Variants in MGST2 observed in about 807,000 individuals in gnomAD.
MGST2 encodes glutathione peroxidase MGST2.
In MGST2, 9 loss-of-function variants were observed where a neutral mutation model predicts 16.6. That is an observed-to-expected ratio of 0.54 (90% CI 0.33 to 0.95). The LOEUF is 0.95. MGST2 is among the 40% of genes least tolerant of loss of function. MGST2 has a pLI of 0.03. For missense variants in MGST2, 159 were observed against 175.1 expected, an observed-to-expected ratio of 0.91 and a Z score of 0.52; for synonymous variants, 79 against 68.0, an observed-to-expected ratio of 1.16 and a Z score of -0.79.
intron 1 of MGST2, among the ~76,000 whole-genome samples, chr4:139,669,710 C>T (rs559004553): frequency 1.1e-4 from 16 of 152,314 alleles, no homozygotes; most frequent in African/African-American, 3.8e-4. Flanking sequence ...GTTCACTGAA[C>T]GTCAACTGAC....
At chr4:139,713,453 G>A (rs1192950419) in intron 5 of MGST2, among the ~76,000 whole-genome samples, 1 of 105,192 alleles carries the variant, frequency 9.5e-6, no homozygotes, top group Admixed American at 1.5e-4. Context: ...CCTCTCGTGT[G>A]TTCATTAAGA....
At chr4:139,709,071 A>AGT (rs755140695), downstream of MGST2, among the ~76,000 whole-genome samples, 1 of 81,970 alleles carries the variant, frequency 1.2e-5, no homozygotes, top group East Asian at 4.9e-4. Flanking sequence ...AATGGAAAAA[A>AGT]TTTTTTTTTT....
chr4:139,731,514 A>T (rs1728719666), intron 5 of MGST2: 1 of 153,480 alleles, frequency 6.5e-6, no homozygotes, highest in Admixed American at 6.7e-5. Flanking sequence ...GCTACTCGGG[A>T]AGCTAAGGCA....
chr4:139,677,023 C>A (rs922970361), intron 1 of MGST2, among the ~76,000 whole-genome samples: 2 of 152,166 alleles, frequency 1.3e-5, no homozygotes, highest in African/African-American at 4.8e-5. Flanking sequence ...TGTGAGATTT[C>A]GTCTGTATAA....
At chr4:139,686,415 G>A (rs1010431718) in intron 2 of MGST2, among the ~76,000 whole-genome samples, 2 of 152,150 alleles carry the variant, frequency 1.3e-5, no homozygotes, top group African/African-American at 4.8e-5. Flanking sequence ...GTATAAGGGG[G>A]TATGTCTGAC....
chr4:139,741,866 A>C (rs1729176608), downstream of MGST2, among the ~76,000 whole-genome samples: 1 of 152,228 alleles, frequency 6.6e-6, no homozygotes, highest in Non-Finnish European at 1.5e-5. Context: ...GTATTTTTTA[A>C]AATAAAAACA....
In MGST2 at chr4:139,665,976, C is replaced by A. The variant is rs757910329; in HGVS notation, c.-44C>A. On this transcript the variant is annotated 5_prime_UTR_variant, in exon 1 of 5. Transcript: ENST00000265498. ...GGTCAGCATTCAAAGTCAAGAAGCG[C>A]CATTTATCTTCCCGTGCGCTCTACA... is the stretch of plus-strand genomic sequence containing the variant. 5 of 1,604,764 alleles carry A rather than the reference C, an allele frequency of 3.1e-6. No homozygotes were observed. The South Asian group carries it at 5.5e-5, about 18-fold the overall frequency.
the MGST2 span, among the ~76,000 whole-genome samples, chr4:139,748,529 G>A: frequency 1.1e-4 from 17 of 152,198 alleles, no homozygotes; most frequent in Non-Finnish European, 2.2e-4. Context: ...TAAAACTGAA[G>A]GAGCAGGAGG....
chr4:139,721,005 A>G (rs1054280648), intron 5 of MGST2, among the ~76,000 whole-genome samples: 1 of 152,264 alleles, frequency 6.6e-6, no homozygotes, highest in African/African-American at 2.4e-5. Flanking sequence ...AACATGCTCC[A>G]GATTCTCTGA....
chr4:139,699,420 G>A (rs191067311), intron 3 of MGST2, among the ~76,000 whole-genome samples: 8 of 152,140 alleles, frequency 5.3e-5, no homozygotes, highest in Admixed American at 2.6e-4. Flanking sequence ...AAAAATTTGC[G>A]TATATTTTAT....
chr4:139,716,616 C>A (rs1727975181), intron 5 of MGST2: 1 of 152,454 alleles, frequency 6.6e-6, no homozygotes, highest in Non-Finnish European at 1.5e-5. Flanking sequence ...ATTGATCTCT[C>A]CCATTAAATA....
At chr4:139,739,679 G>C (rs1579379883) in intron 5 of MGST2, among the ~76,000 whole-genome samples, 3 of 132,350 alleles carry the variant, frequency 2.3e-5, no homozygotes, top group South Asian at 2.3e-4. Context: ...GAGGAAAGCA[G>C]TTTTTTTTTT....
chr4:139,754,197 A>AG, the MGST2 span, among the ~76,000 whole-genome samples: 1 of 152,274 alleles, frequency 6.6e-6, no homozygotes, highest in African/African-American at 2.4e-5. Context: ...AAGGTGTATT[A>AG]GGGAGGTCAA....
rs369000853 is a variant in MGST2 at position 139,735,315 on chromosome 4, C to T, written c.*49-4897C>T. 7.9e-5 allele frequency among the ~76,000 whole-genome samples: 12 copies of T among 152,162 alleles called. No homozygotes were observed. The highest frequency in any genetic ancestry group is 6.2e-4 in the South Asian group (3 of 4,820). ...TGCCGTGTATCTCTGGGGTTATCTG[C>T]CCCCCTCCTCCGACTGACACTGAAC... On this transcript the variant is annotated intron_variant, in intron 5 of 5. Coordinates refer to the MGST2 transcript ENST00000616265. This position sits in a 1 kb window ranked among gnomAD's most constrained non-coding sequence, Gnocchi z 5.8.
chr4:139,673,113 A>G (rs1397412478), intron 1 of MGST2, among the ~76,000 whole-genome samples: 1 of 152,216 alleles, frequency 6.6e-6, no homozygotes, highest in Non-Finnish European at 1.5e-5. Context: ...TTTTTAAAAT[A>G]TTAGCAGGTA....
chr4:139,697,451 C>G (rs8192108), intron 3 of MGST2, among the ~76,000 whole-genome samples: 3,978 of 152,252 alleles, frequency 0.026, 126 homozygotes, highest in African/African-American at 0.073. Flanking sequence ...CTCCTGTTAT[C>G]TTGATATTTT....
intron 5 of MGST2, chr4:139,719,376 C>T (rs369376772): frequency 1.2e-5 from 20 of 1,611,946 alleles, no homozygotes; most frequent in African/African-American, 1.1e-4. Flanking sequence ...TCCCCTGGCC[C>T]GCCTTTGATG....
chr4:139,684,585 G>C (rs2110842328), intron 2 of MGST2, among the ~76,000 whole-genome samples: 1 of 152,330 alleles, frequency 6.6e-6, no homozygotes, highest in East Asian at 1.9e-4. Flanking sequence ...CTTATGATTG[G>C]TCAGGAGGCA....
At chr4:139,678,863 A>C (rs1731097270) in intron 2 of MGST2, 1 of 590,848 alleles carries the variant, frequency 1.7e-6, no homozygotes, top group Admixed American at 2.9e-5. Flanking sequence ...AGCAGGGTAT[A>C]TTTACAGAAA....
Sources: gnomAD v4.1 joint callset for allele counts (sites outside exome capture counted in the v4.1 genomes callset) on GRCh38, gnomAD v4.1.1 for gene constraint, Gnocchi (gnomAD v3.1) non-coding constraint, MANE v1.5 for transcripts, NCBI Gene and HGNC (gene_info 2026-07-23, HGNC 2026-07-21) for gene names.